The following CTDSPL variants were observed in gnomAD, a reference collection of about 807,000 sequenced individuals.
CTDSPL encodes the protein CTD small phosphatase like.
Under a neutral mutation model 30.5 loss-of-function variants are expected in CTDSPL, and 8 were observed. The observed-to-expected ratio is 0.26, with a 90% CI of 0.15 to 0.47. The LOEUF is 0.47. CTDSPL is among the 20% of genes least tolerant of loss of function. The pLI is 0.99. For missense variants in CTDSPL, 248 were observed against 366.1 expected (o/e 0.68, Z 2.63); for synonymous variants, 110 against 137.9 (o/e 0.80, Z 1.42).
chr3:37,962,953 C>T (rs1699259748), intron 3 of CTDSPL, among the ~76,000 whole-genome samples: 1 of 152,206 alleles, frequency 6.6e-6, no homozygotes, highest in Non-Finnish European at 1.5e-5. Flanking sequence ...TCACTTAGCT[C>T]ATCACACTCT....
At chr3:37,906,336 C>T (rs1050062125) in intron 1 of CTDSPL, among the ~76,000 whole-genome samples, 3 of 152,180 alleles carry the variant, frequency 2.0e-5, no homozygotes, top group Non-Finnish European at 4.4e-5. Flanking sequence ...CCTTCCTCAC[C>T]CTTTTGGGCC....
At chr3:37,959,156 C>T (rs1699207969) in intron 3 of CTDSPL, among the ~76,000 whole-genome samples, 2 of 152,200 alleles carry the variant, frequency 1.3e-5, no homozygotes, top group Admixed American at 1.3e-4. Flanking sequence ...GTAAAGAATC[C>T]TCTAAGCCTG....
At chr3:37,959,519 GT>G (rs1699212533) in intron 3 of CTDSPL, among the ~76,000 whole-genome samples, 1 of 152,168 alleles carries the variant, frequency 6.6e-6, no homozygotes, top group South Asian at 2.1e-4. Flanking sequence ...AAATTGTGTT[GT>G]ATTCACCATT....
chr3:37,916,849 CAGG>C (rs950045026), intron 1 of CTDSPL, among the ~76,000 whole-genome samples: 3 of 152,126 alleles, frequency 2.0e-5, no homozygotes, highest in Non-Finnish European at 2.9e-5. Context: ...GGCAGGGAAG[CAGG>C]AGGACAGGTG....
rs547863863 is a variant in CTDSPL, at chr3:37,942,162, C to G, written c.80-4895C>G. Among the ~76,000 whole-genome samples, 14 of 150,266 alleles carry G rather than the reference C, an allele frequency of 9.3e-5. No homozygotes were observed. In the South Asian group the frequency reaches 2.8e-3, roughly 30 times the overall value. The stretch of plus-strand genomic sequence containing the variant: ...ATTAAAATCACTTCCTGAGATTTTT[C>G]TAGTTTTGCTTTCTGAATTACAGTT... On this transcript the variant is annotated intron_variant, in intron 1 of 7. Coordinates refer to ENST00000273179, the MANE Select transcript of CTDSPL (RefSeq NM_001008392.2).
At chr3:37,896,629 C>T (rs371340654) in intron 1 of CTDSPL, among the ~76,000 whole-genome samples, 3 of 152,022 alleles carry the variant, frequency 2.0e-5, no homozygotes, top group African/African-American at 4.8e-5. Flanking sequence ...TTTGACCTCC[C>T]GGGCTCAAGG....
intron 1 of CTDSPL, among the ~76,000 whole-genome samples, chr3:37,892,622 C>T (rs1447936124): frequency 6.6e-6 from 1 of 151,940 alleles, no homozygotes; most frequent in Admixed American, 6.6e-5. Flanking sequence ...TGAAGGTTGC[C>T]AGAGTAGAAA....
intron 1 of CTDSPL, among the ~76,000 whole-genome samples, chr3:37,900,518 AACTT>A (rs1698436908): frequency 6.6e-6 from 1 of 152,220 alleles, no homozygotes; most frequent in East Asian, 1.9e-4. Flanking sequence ...TTGTTTGAAA[AACTT>A]ATTTATAAGG....
chr3:37,925,552 G>A (rs1200169857), intron 1 of CTDSPL, among the ~76,000 whole-genome samples: 1 of 152,112 alleles, frequency 6.6e-6, no homozygotes, highest in East Asian at 1.9e-4. Context: ...GTCTTCCTGG[G>A]CTTGCAACGT....
At chr3:37,957,760 TC>T (rs1699190147) in intron 3 of CTDSPL, among the ~76,000 whole-genome samples, 1 of 152,108 alleles carries the variant, frequency 6.6e-6, no homozygotes. Flanking sequence ...TGAAATTTGT[TC>T]CACCCCAGCA....
intron 1 of CTDSPL, among the ~76,000 whole-genome samples, chr3:37,871,184 A>G (rs567310767): frequency 2.5e-4 from 38 of 152,162 alleles, no homozygotes; most frequent in African/African-American, 9.2e-4. Flanking sequence ...CCTTTTCTAG[A>G]ACGTCATATA....
chr3:37,936,393 C>T (rs1698915700), intron 1 of CTDSPL, among the ~76,000 whole-genome samples: 1 of 152,122 alleles, frequency 6.6e-6, no homozygotes, highest in Non-Finnish European at 1.5e-5. Context: ...GAACTCTGTG[C>T]GGTTTGTGCC....
chr3:37,965,383 A>T (rs1699288568), intron 4 of CTDSPL, among the ~76,000 whole-genome samples: 1 of 152,248 alleles, frequency 6.6e-6, no homozygotes, highest in Non-Finnish European at 1.5e-5. Context: ...CTGTTAAGAA[A>T]TGAGTTAGTT....
chr3:37,982,803 A>T lies in CTDSPL; in HGVS notation c.*1936A>T, dbSNP rs187387844. ...CATGCCACAAATATTTATTTGGAAA[A>T]GTAGTCATTAAATGAACCCACTGCC... On this transcript the variant is annotated 3_prime_UTR_variant, in exon 8 of 8. Transcript: ENST00000273179. 6.2e-5 allele frequency: 23 copies of T among 369,510 alleles called. No individual in the cohort carries two copies. Among genetic ancestry groups the T allele is most frequent in the Non-Finnish European group, 1.1e-4 (21 of 185,614 alleles). The allele number at this position is 369,510 out of a possible 1,614,324, so 22.9% of individuals were successfully genotyped here. A position where few individuals can be genotyped will look rare whatever the true frequency, so the allele number is the denominator to read the frequency against.
chr3:37,917,740 A>G lies in CTDSPL; in HGVS notation c.80-29317A>G, dbSNP rs147607402. 7.2e-3 allele frequency among the ~76,000 whole-genome samples: 1,094 copies of G among 152,348 alleles called. 10 individuals carry two copies. The highest frequency in any genetic ancestry group is 0.024 in the African/African-American group (1,014 of 41,582). ...ACAAACTATCAGCAATGAAACATTCATTCTTTAATTCCTTCAACCTTAATT... is the reference window on the plus strand; with the variant it reads ...ACAAACTATCAGCAATGAAACATTCGTTCTTTAATTCCTTCAACCTTAATT... On this transcript the variant is annotated intron_variant, in intron 1 of 7. Coordinates refer to ENST00000273179, the MANE Select transcript of CTDSPL (RefSeq NM_001008392.2).
chr3:37,946,976 G>T (rs927299072), intron 1 of CTDSPL, 81 bp from the exon 2 acceptor site: 1 of 1,451,994 alleles, frequency 6.9e-7, no homozygotes, highest in African/African-American at 1.4e-5. Context: ...GGGGGCAACT[G>T]CACACTCAGA....
At chr3:37,962,658 C>T (rs374829414) in intron 3 of CTDSPL, among the ~76,000 whole-genome samples, 2 of 152,296 alleles carry the variant, frequency 1.3e-5, no homozygotes, top group African/African-American at 4.8e-5. Flanking sequence ...GTTAGAATTT[C>T]TAGATCCTTA....
chr3:37,931,082 T>A (rs1439372166), intron 1 of CTDSPL, among the ~76,000 whole-genome samples: 1 of 152,026 alleles, frequency 6.6e-6, no homozygotes, highest in African/African-American at 2.4e-5. Flanking sequence ...CTAAAGTGAG[T>A]CTCTTTTAGT....
At chr3:37,927,186 A>G (rs1414758773) in intron 1 of CTDSPL, among the ~76,000 whole-genome samples, 2 of 152,200 alleles carry the variant, frequency 1.3e-5, no homozygotes, top group African/African-American at 4.8e-5. Flanking sequence ...AAAATTAAAA[A>G]TGGGCAAAGG....
Sources: allele counts gnomAD v4.1 joint callset (sites outside exome capture counted in the v4.1 genomes callset), GRCh38; gene constraint gnomAD v4.1.1; transcripts MANE v1.5; gene names NCBI Gene and HGNC (gene_info 2026-07-23, HGNC 2026-07-21).